DLG5: variants seen among roughly 807,000 people sequenced by gnomAD.
The protein encoded by DLG5 is discs large MAGUK scaffold protein 5, also known as disks large homolog 5.
In DLG5, 48 loss-of-function variants were observed where a neutral mutation model predicts 189.8. That is an observed-to-expected ratio of 0.25 (90% confidence interval 0.20 to 0.32). DLG5 has a LOEUF of 0.32. Among genes scored for constraint, DLG5 ranks in the 10% least tolerant of loss-of-function variants. The pLI is 1.00. For missense variants in DLG5, 2,160 were observed against 2,544.7 expected (o/e 0.85, Z 3.25); for synonymous variants, 1,016 against 1,054.1 (o/e 0.96, Z 0.70).
intron 9 of DLG5, among the ~76,000 whole-genome samples, chr10:77,833,092 C>G (rs568661436): frequency 6.6e-6 from 1 of 152,180 alleles, no homozygotes; most frequent in Non-Finnish European, 1.5e-5. Flanking sequence ...AAATGTCGCA[C>G]AATGGATGGA....
At chr10:77,920,613 T>C (rs569980906) in intron 1 of DLG5, among the ~76,000 whole-genome samples, 3 of 152,316 alleles carry the variant, frequency 2.0e-5, no homozygotes, top group Non-Finnish European at 4.4e-5. Context: ...GAGCCAGTCT[T>C]AGTCCTCTAG....
intron 20 of DLG5, among the ~76,000 whole-genome samples, chr10:77,814,461 T>TTTTATATA (rs1279061097): frequency 7.9e-4 from 56 of 70,736 alleles, no homozygotes; most frequent in Admixed American, 1.8e-3. Context: ...TAAAGCATGT[T>TTTTATATA]TATATATATA....
chr10:77,819,792 AAC>A, intron 16 of DLG5, 101 bp downstream of exon 16: 1 of 1,485,808 alleles, frequency 6.7e-7, no homozygotes, highest in South Asian at 1.3e-5. Context: ...CAGGGCTGAA[AAC>A]ACATGGCAGC....
chr10:77,868,522 T>C (rs998704742), intron 2 of DLG5: 3 of 268,616 alleles, frequency 1.1e-5, no homozygotes, highest in Non-Finnish European at 2.2e-5. Flanking sequence ...CCTCTGTGAG[T>C]CCTTCGGGCT....
At chr10:77,894,606 TC>T (rs1340805810) in intron 1 of DLG5, among the ~76,000 whole-genome samples, 4 of 151,050 alleles carry the variant, frequency 2.6e-5, no homozygotes, top group African/African-American at 9.8e-5. Context: ...AGTAACCCTT[TC>T]TTTTAAACAC....
At chr10:77,852,858 T>C (rs1377783319) in intron 5 of DLG5, among the ~76,000 whole-genome samples, 1 of 152,190 alleles carries the variant, frequency 6.6e-6, no homozygotes, top group Non-Finnish European at 1.5e-5. Context: ...GATATACATA[T>C]GTGTATGTAT....
rs1564525285 is a variant in DLG5, at chr10:77,830,771, T to C, written c.1851A>G (p.Glu617=). 2 of 1,614,224 alleles carry C rather than the reference T, an allele frequency of 1.2e-6. No homozygotes were observed. Among genetic ancestry groups the C allele is most frequent in the Non-Finnish European group, 1.7e-6 (2 of 1,180,042 alleles). ...CCCTCTCGAACTCTACAACTTCCGT[T>C]TCCCACTCCATGGAATCCGTGTCAA... ...SAIDTDSMEW[E]TEVVEFERET... is the part of the protein sequence containing the mutation. Residue 617 remains glutamate (E), a synonymous_variant, in exon 10 of 32, where the codon GAA becomes GAG. Transcript: ENST00000372391.
At chr10:77,828,190 T>C (rs2154575853) in intron 13 of DLG5, among the ~76,000 whole-genome samples, 1 of 152,266 alleles carries the variant, frequency 6.6e-6, no homozygotes, top group African/African-American at 2.4e-5. Flanking sequence ...GAACTACATT[T>C]AAAATGTTAA....
intron 1 of DLG5, among the ~76,000 whole-genome samples, chr10:77,876,239 T>C (rs1333376815): frequency 6.6e-6 from 1 of 152,040 alleles, no homozygotes; most frequent in East Asian, 1.9e-4. Context: ...TGCTCACCTA[T>C]CTTTAAAAGG....
intron 27 of DLG5, among the ~76,000 whole-genome samples, chr10:77,798,215 A>C (rs1364808200): frequency 6.6e-6 from 1 of 152,074 alleles, no homozygotes; most frequent in Non-Finnish European, 1.5e-5. Context: ...AATAAAACTG[A>C]TCATTATCCA....
chr10:77,805,866 G>C lies in DLG5; in HGVS notation c.4968-5C>G. 2 of 1,610,306 alleles carry C rather than the reference G, an allele frequency of 1.2e-6. No homozygotes were observed. The highest frequency in any genetic ancestry group is 1.7e-6 in the Non-Finnish European group (2 of 1,177,068). On this transcript the variant is annotated splice_polypyrimidine_tract_variant and splice_region_variant and intron_variant, in intron 26 of 31. Coordinates refer to ENST00000372391, the MANE Select transcript of DLG5 (RefSeq NM_004747.4). Reference sequence around the variant, plus strand: ...CTGGAGAATTCTTGGTCCATCCTGTGGCACAGGGGACAATGCTGGGCAGGG... The same window carrying C: ...CTGGAGAATTCTTGGTCCATCCTGTCGCACAGGGGACAATGCTGGGCAGGG...
chr10:77,805,555 C>T, intron 27 of DLG5, 110 bp downstream of exon 27: 1 of 1,300,078 alleles, frequency 7.7e-7, no homozygotes, highest in Non-Finnish European at 1.1e-6. Flanking sequence ...CAGACTTGCG[C>T]ACAAAAGCAA....
intron 15 of DLG5, 26 bp from the exon 16 acceptor site, chr10:77,820,044 T>C: frequency 6.2e-7 from 1 of 1,611,650 alleles, no homozygotes; most frequent in Non-Finnish European, 8.5e-7. Flanking sequence ...CAAGAGTGTC[T>C]GCTAGAAAGA....
chr10:77,856,370 A>T (rs1348556730), intron 3 of DLG5, among the ~76,000 whole-genome samples: 1 of 152,066 alleles, frequency 6.6e-6, no homozygotes, highest in Non-Finnish European at 1.5e-5. Context: ...AATAAAACAC[A>T]TGTGTGACAG....
chr10:77,924,457 G>C (rs1346512624), intron 1 of DLG5, among the ~76,000 whole-genome samples: 3 of 152,118 alleles, frequency 2.0e-5, no homozygotes, highest in Admixed American at 2.0e-4. Context: ...AGAGATTAAG[G>C]CGAGCGTTGA....
intron 1 of DLG5, among the ~76,000 whole-genome samples, chr10:77,913,308 AAC>A (rs1846276184): frequency 6.6e-6 from 1 of 152,138 alleles, no homozygotes; most frequent in Non-Finnish European, 1.5e-5. Flanking sequence ...GGGATTATAA[AAC>A]AGACTTCAGA....
chr10:77,833,617 A>C (rs768764282), intron 9 of DLG5, among the ~76,000 whole-genome samples: 17 of 152,254 alleles, frequency 1.1e-4, no homozygotes, highest in Non-Finnish European at 1.6e-4. Flanking sequence ...TGCCTGCCCC[A>C]GATGGACTGC....
In DLG5 at chr10:77,828,947, C is replaced by A. The variant is rs1275655689; in HGVS notation, c.2224G>T (p.Ala742Ser). 6.2e-6 allele frequency: 10 copies of A among 1,613,994 alleles called. No individual in the cohort carries two copies. Among genetic ancestry groups the A allele is most frequent in the Non-Finnish European group, 8.5e-6 (10 of 1,180,028 alleles). Reference sequence around the variant, plus strand: ...GCGGCAGGGCTTCCAGGCAGCACAGCGGCAGCATACACTCCATTCTCCAGA... The same window carrying A: ...GCGGCAGGGCTTCCAGGCAGCACAGAGGCAGCATACACTCCATTCTCCAGA... ...ISLENGVYAA[A>S]VLPGSPAAKE... The change falls in exon 13 of 32, where the codon GCT becomes TCT. Residue 742 changes from alanine to serine, a missense_variant. Around this residue, in one of 5 missense-constraint regions of DLG5, gnomAD observed 107 missense variants for 214.5 expected, o/e 0.50. Transcript: ENST00000372391.
chr10:77,802,844 G>C (rs771058708), intron 27 of DLG5, among the ~76,000 whole-genome samples: 6 of 152,198 alleles, frequency 3.9e-5, no homozygotes, highest in Non-Finnish European at 5.9e-5. Flanking sequence ...AGGTTGCAGC[G>C]AGCCGAGATC....
Sources: allele counts gnomAD v4.1 joint callset (sites outside exome capture counted in the v4.1 genomes callset), GRCh38; gene constraint gnomAD v4.1.1; regional missense constraint gnomAD v4.1.1; transcripts MANE v1.5; gene names NCBI Gene and HGNC (gene_info 2026-07-23, HGNC 2026-07-21).